SPOCK3: variants seen among roughly 807,000 people sequenced by gnomAD.
SPOCK3 encodes the protein SPARC (osteonectin), cwcv and kazal like domains proteoglycan 3.
A neutral mutation model predicts 56.6 loss-of-function variants in SPOCK3; 30 were observed. That is an observed-to-expected ratio of 0.53 (90% CI 0.40 to 0.72). The LOEUF (loss-of-function observed/expected upper bound fraction) is 0.72. Among genes scored for constraint, SPOCK3 ranks in the 30% least tolerant of loss-of-function variants. The pLI is 0.00. For synonymous variants in SPOCK3, 196 were observed against 183.3 expected (o/e 1.07, Z -0.56); for missense variants, 527 against 530.0 (o/e 0.99, Z 0.06).
intron 4 of SPOCK3, among the ~76,000 whole-genome samples, chr4:166,998,109 C>T (rs1011572397): frequency 9.2e-5 from 14 of 151,998 alleles, no homozygotes; most frequent in African/African-American, 1.5e-4. Context: ...ATCCTCAAGG[C>T]AAATAAAGCA....
chr4:166,937,930 A>ATC lies in SPOCK3; in HGVS notation c.351-25189_351-25188dup, dbSNP rs552097523. Among the ~76,000 whole-genome samples, 49 of 83,236 alleles carry ATC rather than the reference A, an allele frequency of 5.9e-4. 1 individual carries two copies. The East Asian group carries it at 0.011, about 19-fold the overall frequency. The allele number at this position is 83,236 out of a possible 152,430, so 54.6% of individuals were successfully genotyped here. ...AGGCACCCGCCACCACGCCCGGCTAATCTCTTTTTTTTTTTTTTTTAATAT... is the reference window on the plus strand; with the variant it reads ...AGGCACCCGCCACCACGCCCGGCTAATCTCTCTTTTTTTTTTTTTTTTAATAT... On this transcript the variant is annotated intron_variant, in intron 4 of 10. Coordinates refer to ENST00000357545, the MANE Select transcript of SPOCK3 (RefSeq NM_001040159.2).
chr4:166,785,588 A>G (rs1740647501), intron 7 of SPOCK3, among the ~76,000 whole-genome samples: 1 of 152,170 alleles, frequency 6.6e-6, no homozygotes, highest in South Asian at 2.1e-4. Flanking sequence ...TTAAATGTTA[A>G]CTAATGCAAA....
At chr4:166,816,702 A>G (rs1248603625) in intron 6 of SPOCK3, among the ~76,000 whole-genome samples, 1 of 152,110 alleles carries the variant, frequency 6.6e-6, no homozygotes, top group Non-Finnish European at 1.5e-5. Flanking sequence ...AAATATTGAA[A>G]AGGCACATAA....
chr4:166,804,757 A>G (rs1429193656), intron 6 of SPOCK3, among the ~76,000 whole-genome samples: 1 of 152,088 alleles, frequency 6.6e-6, no homozygotes, highest in Non-Finnish European at 1.5e-5. Context: ...CCCAAGTGCA[A>G]TTGATGATGC....
intron 3 of SPOCK3, among the ~76,000 whole-genome samples, chr4:167,010,723 T>A (rs1749956609): frequency 6.6e-6 from 1 of 152,112 alleles, no homozygotes; most frequent in South Asian, 2.1e-4. Context: ...AATAGTGAAT[T>A]GCAAGAAGCG....
chr4:166,748,675 A>T (rs1735966517), intron 8 of SPOCK3, among the ~76,000 whole-genome samples: 2 of 137,716 alleles, frequency 1.5e-5, no homozygotes, highest in African/African-American at 6.2e-5. Context: ...ACAGCAAAAG[A>T]AACTTCCTTC....
intron 6 of SPOCK3, among the ~76,000 whole-genome samples, chr4:166,814,574 T>C (rs1744194117): frequency 6.6e-6 from 1 of 152,124 alleles, no homozygotes; most frequent in Non-Finnish European, 1.5e-5. Flanking sequence ...CTATTCCTCC[T>C]GACCTTGGAC....
At chr4:167,024,428 A>G (rs968904602) in intron 3 of SPOCK3, among the ~76,000 whole-genome samples, 4 of 152,046 alleles carry the variant, frequency 2.6e-5, no homozygotes, top group African/African-American at 4.8e-5. Flanking sequence ...AATTTCTTAC[A>G]CGTTAACTGG....
intron 6 of SPOCK3, among the ~76,000 whole-genome samples, chr4:166,817,895 A>T (rs1174349322): frequency 6.6e-6 from 1 of 152,076 alleles, no homozygotes; most frequent in Non-Finnish European, 1.5e-5. Flanking sequence ...AAGGGCATTG[A>T]GTTAATGCAT....
At chr4:166,815,198 G>A (rs1249201309) in intron 6 of SPOCK3, among the ~76,000 whole-genome samples, 1 of 151,604 alleles carries the variant, frequency 6.6e-6, no homozygotes, top group Non-Finnish European at 1.5e-5. Context: ...TGATGTACAG[G>A]GAAACCCTTT....
At chr4:166,850,709 C>G (rs138931219) in intron 6 of SPOCK3, among the ~76,000 whole-genome samples, 4 of 152,192 alleles carry the variant, frequency 2.6e-5, no homozygotes, top group South Asian at 2.1e-4. Flanking sequence ...GGGTGACAGA[C>G]GGCACCTGGA....
intron 6 of SPOCK3, among the ~76,000 whole-genome samples, chr4:166,800,993 T>A (rs563434369): frequency 8.5e-5 from 13 of 152,306 alleles, no homozygotes; most frequent in African/African-American, 2.9e-4. Flanking sequence ...TGTTAAGATA[T>A]GTTCAGCTTT....
chr4:166,850,618 C>T (rs1054742417), intron 6 of SPOCK3, among the ~76,000 whole-genome samples: 12 of 152,302 alleles, frequency 7.9e-5, no homozygotes, highest in Admixed American at 2.0e-4. Flanking sequence ...GTGCACCGTG[C>T]GCGAGCCAAA....
chr4:166,799,990 G>T (rs1472587534), intron 6 of SPOCK3, among the ~76,000 whole-genome samples: 1 of 151,714 alleles, frequency 6.6e-6, no homozygotes, highest in Non-Finnish European at 1.5e-5. Context: ...GACCATCCTG[G>T]CTAACACGGT....
intron 6 of SPOCK3, among the ~76,000 whole-genome samples, chr4:166,850,207 C>T (rs1748532546): frequency 6.6e-6 from 1 of 152,290 alleles, no homozygotes; most frequent in African/African-American, 2.4e-5. Flanking sequence ...ATCAACTGTA[C>T]ACAAGGGTAC....
chr4:166,843,517 A>G (rs1382145293), intron 6 of SPOCK3, among the ~76,000 whole-genome samples: 3 of 152,190 alleles, frequency 2.0e-5, no homozygotes, highest in African/African-American at 7.2e-5. Flanking sequence ...AGCAGCAAAA[A>G]TTATCTTACT....
intron 2 of SPOCK3, among the ~76,000 whole-genome samples, chr4:167,081,543 C>A (rs897981168): frequency 6.6e-6 from 1 of 151,878 alleles, no homozygotes; most frequent in African/African-American, 2.4e-5. Flanking sequence ...ATATTTCTGC[C>A]ACAACCCCAC....
At chr4:167,107,541 A>G (rs1471723620) in intron 2 of SPOCK3, among the ~76,000 whole-genome samples, 1 of 151,994 alleles carries the variant, frequency 6.6e-6, no homozygotes, top group South Asian at 2.1e-4. Flanking sequence ...AGCTAGTATC[A>G]TATTGAATAA....
At chr4:166,960,705 C>A (rs1744040662) in intron 4 of SPOCK3, among the ~76,000 whole-genome samples, 1 of 152,004 alleles carries the variant, frequency 6.6e-6, no homozygotes, top group Non-Finnish European at 1.5e-5. Flanking sequence ...TGTGTTTGTA[C>A]CCAGAATAGG....
Sources: allele counts gnomAD v4.1 joint callset (sites outside exome capture counted in the v4.1 genomes callset), GRCh38; gene constraint gnomAD v4.1.1; transcripts MANE v1.5; gene names NCBI Gene and HGNC (gene_info 2026-07-23, HGNC 2026-07-21).